The following NBEA variants were observed in gnomAD, a reference collection of about 807,000 sequenced individuals.
NBEA encodes the protein lysosomal-trafficking regulator 2.
NBEA carries 44 observed loss-of-function variants against 343.4 expected under a neutral mutation model. The observed-to-expected ratio is 0.13, with a 90% CI of 0.10 to 0.16. NBEA has a LOEUF of 0.16. Among genes scored for constraint, NBEA ranks in the 10% least tolerant of loss-of-function variants. NBEA has a pLI of 1.00. For missense variants in NBEA, 2,555 were observed against 3,631.3 expected (o/e 0.70, Z 7.62); for synonymous variants, 1,175 against 1,238.7 (o/e 0.95, Z 1.08).
intron 38 of NBEA, among the ~76,000 whole-genome samples, chr13:35,364,530 A>G (rs17052153): frequency 0.014 from 2,066 of 151,938 alleles, 55 homozygotes; most frequent in African/African-American, 0.046. Flanking sequence ...TCAGTGTTTT[A>G]AAAGGATGGG....
intron 34 of NBEA, among the ~76,000 whole-genome samples, chr13:35,287,622 T>A (rs1375179919): frequency 6.6e-6 from 1 of 152,076 alleles, no homozygotes; most frequent in Admixed American, 6.6e-5. Context: ...TTTGTCCCCT[T>A]GTCTGACCAC....
chr13:35,243,041 G>T (rs1310921474), intron 34 of NBEA, among the ~76,000 whole-genome samples: 1 of 151,686 alleles, frequency 6.6e-6, no homozygotes, highest in African/African-American at 2.4e-5. Context: ...TCTTTTAAAA[G>T]ATTAAAATCC....
intron 58 of NBEA, among the ~76,000 whole-genome samples, chr13:35,669,435 A>G (rs900293245): frequency 3.9e-5 from 6 of 152,222 alleles, no homozygotes; most frequent in African/African-American, 9.6e-5. Flanking sequence ...TTAACAAAGC[A>G]TCTTCACAAT....
chr13:35,089,809 A>G (rs1279446198), intron 10 of NBEA, among the ~76,000 whole-genome samples: 2 of 149,460 alleles, frequency 1.3e-5, no homozygotes, highest in African/African-American at 4.9e-5. Context: ...CTATCACAAG[A>G]ACAAAAAACC....
At chr13:35,099,198 G>GT (rs760866538) in intron 11 of NBEA, among the ~76,000 whole-genome samples, 44,035 of 113,812 alleles carry the variant, frequency 0.39, 10,253 homozygotes, top group Non-Finnish European at 0.52. Context: ...CCTGGCTAAA[G>GT]TTTTTTTTTT....
chr13:35,574,411 A>AAAGG (rs1209243916), intron 45 of NBEA, among the ~76,000 whole-genome samples: 3 of 45,204 alleles, frequency 6.6e-5, no homozygotes, highest in African/African-American at 3.9e-4. Context: ...GAAAAAAAAC[A>AAAGG]AGGAAAGAAA....
intron 41 of NBEA, chr13:35,474,255 T>G: frequency 6.6e-6 from 1 of 152,534 alleles, no homozygotes; most frequent in Non-Finnish European, 1.5e-5. Context: ...CAGCAACAAA[T>G]TAAAATCTAA....
intron 1 of NBEA, among the ~76,000 whole-genome samples, chr13:34,950,540 A>T (rs1469523381): frequency 2.0e-5 from 3 of 151,216 alleles, no homozygotes; most frequent in Non-Finnish European, 4.4e-5. Context: ...ATTCTAAATT[A>T]AAAAATTTAG....
In NBEA at chr13:35,619,419, C is replaced by T. The variant is rs2082880206; in HGVS notation, c.7450-8662C>T. Among the ~76,000 whole-genome samples the T allele has an allele frequency of 2.0e-5, 3 of 152,076 alleles. No homozygotes were observed. In the South Asian group the frequency reaches 6.2e-4, roughly 32 times the overall value. On this transcript the variant is annotated intron_variant, in intron 48 of 58. Coordinates refer to ENST00000379939, the MANE Select transcript of NBEA (RefSeq NM_001385012.1). ...GGCTGGACAGGAGACCCATATGGCTCAGTGGCAGCAGACTGGACAGCAGAA... is the reference window on the plus strand; with the variant it reads ...GGCTGGACAGGAGACCCATATGGCTTAGTGGCAGCAGACTGGACAGCAGAA...
intron 8 of NBEA, among the ~76,000 whole-genome samples, chr13:35,066,107 C>G (rs995359076): frequency 6.6e-6 from 1 of 151,974 alleles, no homozygotes; most frequent in Admixed American, 6.6e-5. Flanking sequence ...ACTATAGGCA[C>G]AAGCCACTGT....
At chr13:35,228,220 A>G (rs1207304206) in intron 33 of NBEA, among the ~76,000 whole-genome samples, 1 of 152,088 alleles carries the variant, frequency 6.6e-6, no homozygotes, top group Non-Finnish European at 1.5e-5. Context: ...GTTTTAAGTC[A>G]TATTGTTTTA....
Position 35,001,968 on chromosome 13 carries a change from A to G in NBEA, c.295-38965A>G, listed in dbSNP as rs563551839. ...ATTAAAAATTAAAATAGGTGACAGT[A>G]TATCCCCGTATCACTGAATATGAGT... is the stretch of plus-strand genomic sequence containing the variant. On this transcript the variant is annotated intron_variant, in intron 1 of 58. Transcript: ENST00000379939. 2.6e-5 allele frequency among the ~76,000 whole-genome samples: 4 copies of G among 152,292 alleles called. No homozygotes were observed. In the East Asian group the frequency reaches 5.8e-4, roughly 22 times the overall value.
intron 41 of NBEA, among the ~76,000 whole-genome samples, chr13:35,491,597 C>T (rs969463370): frequency 1.3e-5 from 2 of 151,864 alleles, no homozygotes; most frequent in Admixed American, 6.6e-5. Flanking sequence ...ATCCTCCAGA[C>T]TCTGCCCATC....
rs61948681 is a variant in NBEA at position 35,353,988 on chromosome 13, T to C, written c.6179+1665T>C. ...TGTGTTACAGTCTTGAGGCAGAATT[T>C]CTTCTTCTCCGGGAAACCTCAGCTT... On this transcript the variant is annotated intron_variant, in intron 38 of 58. Transcript: ENST00000379939. Among the ~76,000 whole-genome samples, 1,063 of 152,322 alleles carry C rather than the reference T, an allele frequency of 7.0e-3. 7 individuals carry two copies. Among genetic ancestry groups the C allele is most frequent in the Middle Eastern group, 0.02 (6 of 294 alleles).
In NBEA at chr13:35,379,131, G is replaced by A. The variant is rs529025799; in HGVS notation, c.6179+26808G>A. Among the ~76,000 whole-genome samples the A allele has an allele frequency of 5.3e-5, 8 of 151,472 alleles. No homozygotes were observed. In the South Asian group the frequency reaches 1.3e-3, roughly 24 times the overall value. ...TTCTGTTGAGCATATACCTAGGATTGGAATTGCTGAGTCATAGTGTAGACT... is the reference window on the plus strand; with the variant it reads ...TTCTGTTGAGCATATACCTAGGATTAGAATTGCTGAGTCATAGTGTAGACT... On this transcript the variant is annotated intron_variant, in intron 38 of 58. Coordinates refer to ENST00000379939, the MANE Select transcript of NBEA (RefSeq NM_001385012.1).
intron 38 of NBEA, among the ~76,000 whole-genome samples, chr13:35,390,708 C>T (rs1325590710): frequency 6.6e-6 from 1 of 152,084 alleles, no homozygotes; most frequent in Admixed American, 6.5e-5. Context: ...TAATAGGTAT[C>T]TTGAGCATAA....
chr13:35,047,141 C>T (rs1020502097), intron 4 of NBEA, among the ~76,000 whole-genome samples: 1 of 151,650 alleles, frequency 6.6e-6, no homozygotes, highest in African/African-American at 2.4e-5. Flanking sequence ...ACTGCCTGAA[C>T]TAATTGCTTA....
rs1385930248 is a variant in NBEA at position 35,173,597 on chromosome 13, A to G, written c.4554+3A>G. On this transcript the variant is annotated splice_donor_region_variant and intron_variant, in intron 27 of 58. Coordinates refer to ENST00000379939, the MANE Select transcript of NBEA (RefSeq NM_001385012.1). ...TGACTGCTACAGCAGCTTCGAAGGTAAGTAAACTTTTTTTCTTGGCCAAAT... is the reference window on the plus strand; with the variant it reads ...TGACTGCTACAGCAGCTTCGAAGGTGAGTAAACTTTTTTTCTTGGCCAAAT... 10 of 1,589,660 alleles carry G rather than the reference A, an allele frequency of 6.3e-6. No individual in the cohort carries two copies. The highest frequency in any genetic ancestry group is 8.5e-6 in the Non-Finnish European group (10 of 1,171,208).
At chr13:35,476,805 C>T (rs2075892465) in intron 41 of NBEA, 2 of 1,029,356 alleles carry the variant, frequency 1.9e-6, no homozygotes, top group Non-Finnish European at 2.4e-6. Context: ...GCTAATTAAT[C>T]CCCACTCATG....
Sources: allele counts gnomAD v4.1 joint callset (sites outside exome capture counted in the v4.1 genomes callset), GRCh38; gene constraint gnomAD v4.1.1; transcripts MANE v1.5; gene names NCBI Gene and HGNC (gene_info 2026-07-23, HGNC 2026-07-21).